Variants in GALNTL6 observed in about 807,000 individuals in gnomAD.
GALNTL6 encodes polypeptide N-acetylgalactosaminyltransferase-like 6.
A neutral mutation model predicts 73.7 loss-of-function variants in GALNTL6; 46 were observed. The observed-to-expected ratio is 0.62, with a 90% CI of 0.49 to 0.80. GALNTL6 has a LOEUF of 0.80. GALNTL6 is among the 30% of genes least tolerant of loss of function. The probability of loss-of-function intolerance (pLI) is 0.00; values close to 1 mark genes in which losing one functional copy is unlikely to be tolerated. For missense variants in GALNTL6, 604 were observed against 755.0 expected (o/e 0.80, Z 2.34); for synonymous variants, 259 against 263.7 (o/e 0.98, Z 0.17).
At chr4:172,638,392 G>A (rs1183061346) in intron 5 of GALNTL6, among the ~76,000 whole-genome samples, 1 of 152,100 alleles carries the variant, frequency 6.6e-6, no homozygotes, top group East Asian at 1.9e-4. Context: ...ATAAGCTCCT[G>A]TAAGGAAGTG....
intron 5 of GALNTL6, among the ~76,000 whole-genome samples, chr4:172,625,211 C>T (rs2111080698): frequency 6.6e-6 from 1 of 152,070 alleles, no homozygotes; most frequent in Admixed American, 6.6e-5. Context: ...TTTTACTACC[C>T]TTGACCTCAT....
intron 12 of GALNTL6, among the ~76,000 whole-genome samples, chr4:173,026,632 A>G (rs1426881748): frequency 2.6e-5 from 4 of 152,166 alleles, no homozygotes; most frequent in Non-Finnish European, 5.9e-5. Context: ...GTAAAGTGAT[A>G]TGTTTGTTAG....
intron 5 of GALNTL6, among the ~76,000 whole-genome samples, chr4:172,592,137 A>G (rs146759997): frequency 2.2e-3 from 332 of 152,350 alleles, no homozygotes; most frequent in African/African-American, 7.7e-3. Flanking sequence ...CTGAACAAGA[A>G]GCATGGTGCC....
At chr4:172,152,457 C>A (rs6830805) in intron 2 of GALNTL6, among the ~76,000 whole-genome samples, 5,052 of 152,200 alleles carry the variant, frequency 0.033, 115 homozygotes, top group Non-Finnish European at 0.054. Context: ...GCTGTCATGC[C>A]CACACTCACA....
At chr4:172,823,403 T>C (rs1579528111) in intron 7 of GALNTL6, among the ~76,000 whole-genome samples, 1 of 152,242 alleles carries the variant, frequency 6.6e-6, no homozygotes, top group African/African-American at 2.4e-5. Context: ...CAGGGAGCTC[T>C]GCTTTCTTCC....
chr4:172,595,571 C>A (rs1333622758), intron 5 of GALNTL6, among the ~76,000 whole-genome samples: 1 of 152,004 alleles, frequency 6.6e-6, no homozygotes, highest in Non-Finnish European at 1.5e-5. Context: ...AGAAATCTTA[C>A]GTATTGTTAT....
intron 5 of GALNTL6, among the ~76,000 whole-genome samples, chr4:172,356,391 A>G (rs995738578): frequency 6.6e-6 from 1 of 152,180 alleles, no homozygotes; most frequent in Admixed American, 6.6e-5. Flanking sequence ...CAGTATTTCA[A>G]GCAGCTCTTT....
At chr4:171,833,199 A>G (rs1003603620) in intron 2 of GALNTL6, among the ~76,000 whole-genome samples, 6 of 151,732 alleles carry the variant, frequency 4.0e-5, no homozygotes, top group African/African-American at 1.4e-4. Context: ...GTAAAGTATA[A>G]ATTGCTTATC....
intron 2 of GALNTL6, among the ~76,000 whole-genome samples, chr4:172,133,656 G>A (rs982036731): frequency 3.9e-5 from 6 of 152,196 alleles, no homozygotes; most frequent in African/African-American, 1.2e-4. Flanking sequence ...TGTACAGCAC[G>A]GGTGACCAAC....
intron 2 of GALNTL6, among the ~76,000 whole-genome samples, chr4:171,950,973 C>T (rs886114578): frequency 6.6e-6 from 1 of 151,480 alleles, no homozygotes; most frequent in African/African-American, 2.4e-5. Flanking sequence ...AGAGAAGTAA[C>T]CTAGAAAAAG....
At chr4:171,894,757 T>G (rs571388327) in intron 2 of GALNTL6, among the ~76,000 whole-genome samples, 2 of 152,318 alleles carry the variant, frequency 1.3e-5, no homozygotes, top group South Asian at 4.1e-4. Context: ...AGTGCATTTT[T>G]GAAGGGGCCT....
At chr4:172,182,960 G>A (rs1323583842) in intron 2 of GALNTL6, among the ~76,000 whole-genome samples, 1 of 152,118 alleles carries the variant, frequency 6.6e-6, no homozygotes, top group Non-Finnish European at 1.5e-5. Context: ...CCTTTGGGAA[G>A]TTGATATCTA....
At chr4:172,208,754 G>A (rs1374885947) in intron 2 of GALNTL6, among the ~76,000 whole-genome samples, 2 of 152,086 alleles carry the variant, frequency 1.3e-5, no homozygotes, top group Non-Finnish European at 2.9e-5. Context: ...TCCTGGTTTG[G>A]TCAAACTCTA....
intron 2 of GALNTL6, among the ~76,000 whole-genome samples, chr4:172,219,169 A>G (rs1473661088): frequency 7.3e-6 from 1 of 137,284 alleles, no homozygotes; most frequent in African/African-American, 2.7e-5. Context: ...CTTTGCAATC[A>G]GAAAATATAA....
At chr4:172,122,588 C>A (rs1396436108) in intron 2 of GALNTL6, among the ~76,000 whole-genome samples, 4 of 152,104 alleles carry the variant, frequency 2.6e-5, no homozygotes, top group Non-Finnish European at 5.9e-5. Flanking sequence ...GAGTTTATAA[C>A]GAGCAAAAGA....
Position 172,947,807 on chromosome 4 carries a change from G to A in GALNTL6, c.1150-4230G>A, listed in dbSNP as rs141042874. Among the ~76,000 whole-genome samples, 584 of 152,260 alleles carry A rather than the reference G, an allele frequency of 3.8e-3. 3 individuals are homozygous for A. Among genetic ancestry groups the A allele is most frequent in the African/African-American group, 0.013 (558 of 41,550 alleles). On this transcript the variant is annotated intron_variant, in intron 9 of 12. Coordinates refer to ENST00000506823, the MANE Select transcript of GALNTL6 (RefSeq NM_001034845.3). ...CCACTATCTCTGTGTATGTGAATGT[G>A]TGGTATGCGTGCTCCTATATAAATA...
chr4:173,012,333 G>A (rs1448792936), intron 11 of GALNTL6, among the ~76,000 whole-genome samples: 2 of 151,952 alleles, frequency 1.3e-5, no homozygotes, highest in East Asian at 1.9e-4. Flanking sequence ...CACCTCCCTC[G>A]CCCCACCTCA....
intron 4 of GALNTL6, among the ~76,000 whole-genome samples, chr4:172,328,279 C>T (rs1344845771): frequency 6.6e-6 from 1 of 152,062 alleles, no homozygotes; most frequent in Non-Finnish European, 1.5e-5. Context: ...ATGGGGTTCC[C>T]TTTGTAAGTG....
At chr4:172,757,133 T>C (rs1737798602) in intron 5 of GALNTL6, among the ~76,000 whole-genome samples, 1 of 152,234 alleles carries the variant, frequency 6.6e-6, no homozygotes, top group Non-Finnish European at 1.5e-5. Context: ...TGATTAAGCA[T>C]CTGGTGTATG....
Sources: allele counts gnomAD v4.1 joint callset (sites outside exome capture counted in the v4.1 genomes callset), GRCh38; gene constraint gnomAD v4.1.1; transcripts MANE v1.5; gene names NCBI Gene and HGNC (gene_info 2026-07-23, HGNC 2026-07-21).